PLGRKT: variants seen among roughly 807,000 people sequenced by gnomAD.
The protein encoded by PLGRKT is plasminogen receptor (KT).
In PLGRKT, 22 loss-of-function variants were observed where a neutral mutation model predicts 18.5. The ratio of observed to expected loss-of-function variants is 1.19; its 90% CI spans 0.85 to 1.70. PLGRKT has a LOEUF of 1.70. Ranked by LOEUF, PLGRKT falls within the 40% of genes most tolerant of loss-of-function variation. The probability of loss-of-function intolerance (pLI) is 0.00; values close to 1 mark genes in which losing one functional copy is unlikely to be tolerated. For synonymous variants in PLGRKT, 72 were observed against 52.8 expected (o/e 1.36, Z -1.58); for missense variants, 235 against 174.4 (o/e 1.35, Z -1.96).
intron 1 of PLGRKT, among the ~76,000 whole-genome samples, chr9:5,437,335 G>A (rs910609365): frequency 1.3e-5 from 2 of 152,296 alleles, no homozygotes; most frequent in African/African-American, 4.8e-5. Flanking sequence ...TTGCCTGAAT[G>A]TATGACTGAT....
intron 3 of PLGRKT, among the ~76,000 whole-genome samples, chr9:5,430,848 G>C (rs569636593): frequency 4.6e-5 from 7 of 152,112 alleles, no homozygotes; most frequent in Non-Finnish European, 7.4e-5. Context: ...TTTTTGACTT[G>C]CAACATTTTA....
At chr9:5,369,348 A>G (rs1237455587) in intron 3 of PLGRKT, among the ~76,000 whole-genome samples, 1 of 152,262 alleles carries the variant, frequency 6.6e-6, no homozygotes, top group African/African-American at 2.4e-5. Context: ...AATGCTCATC[A>G]TCACTGGTCA....
chr9:5,377,686 C>A (rs746801206), intron 3 of PLGRKT, among the ~76,000 whole-genome samples: 1 of 152,104 alleles, frequency 6.6e-6, no homozygotes, highest in Non-Finnish European at 1.5e-5. Context: ...ATAAGAATGC[C>A]GGAGAAGCTC....
intron 3 of PLGRKT, among the ~76,000 whole-genome samples, chr9:5,394,900 T>A (rs1003642511): frequency 1.2e-4 from 18 of 151,814 alleles, no homozygotes; most frequent in African/African-American, 4.4e-4. Flanking sequence ...TGAAGCTGAC[T>A]GCAACGGAGC....
chr9:5,432,086 A>T, intron 2 of PLGRKT, 103 bp from the exon 3 acceptor site: 1 of 612,214 alleles, frequency 1.6e-6, no homozygotes, highest in South Asian at 2.0e-5. Flanking sequence ...TAAAAAAAAA[A>T]AGTAAAATTT....
chr9:5,419,968 A>T (rs1010590155), intron 3 of PLGRKT, among the ~76,000 whole-genome samples: 1 of 152,244 alleles, frequency 6.6e-6, no homozygotes, highest in African/African-American at 2.4e-5. Context: ...GGTAGAAACA[A>T]CCCAAATATC....
intron 3 of PLGRKT, among the ~76,000 whole-genome samples, chr9:5,375,270 T>C (rs1026856727): frequency 7.2e-5 from 11 of 152,260 alleles, no homozygotes; most frequent in African/African-American, 2.6e-4. Context: ...CGAGCTAAGA[T>C]ATGAAGTGTT....
chr9:5,375,960 C>A (rs570976185), intron 3 of PLGRKT, among the ~76,000 whole-genome samples: 1 of 152,278 alleles, frequency 6.6e-6, no homozygotes, highest in Admixed American at 6.5e-5. Context: ...AAGTGCATAT[C>A]AACGGATGAC....
intron 2 of PLGRKT, among the ~76,000 whole-genome samples, chr9:5,433,984 G>A (rs143452718): frequency 0.038 from 5,015 of 130,922 alleles, 280 homozygotes; most frequent in African/African-American, 0.12. Flanking sequence ...GCCTCTGCCC[G>A]GCTGCCCCGT....
At chr9:5,428,674 T>C (rs1253768973) in intron 3 of PLGRKT, among the ~76,000 whole-genome samples, 2 of 152,172 alleles carry the variant, frequency 1.3e-5, no homozygotes, top group African/African-American at 4.8e-5. Context: ...TATGTTAAAC[T>C]CTTTTGTCTC....
chr9:5,419,755 C>A (rs1005414217), intron 3 of PLGRKT, among the ~76,000 whole-genome samples: 2 of 152,034 alleles, frequency 1.3e-5, no homozygotes, highest in East Asian at 3.8e-4. Flanking sequence ...AAAATGGTAA[C>A]CCTTACACTT....
chr9:5,394,534 T>C (rs1428011443), intron 3 of PLGRKT, among the ~76,000 whole-genome samples: 1 of 151,774 alleles, frequency 6.6e-6, no homozygotes, highest in Non-Finnish European at 1.5e-5. Context: ...TGCCTCAGCC[T>C]CCCGAGTAGC....
Position 5,361,820 on chromosome 9 carries a change from A to G in PLGRKT, c.150T>C (p.Ser50=). ...ERQMAMQIAW[S]REFLKYFGTF... ...TTCCAAAATATTTGAGGAATTCCCG[A>G]GACCACGCAATCTGCATGGCCATTT... The change falls in exon 4 of 6, where the codon TCT becomes TCC. Residue 50 remains serine (S), a synonymous_variant. Transcript: ENST00000223864. 6.2e-7 allele frequency: 1 copy of G among 1,613,340 alleles called. No homozygotes were observed. The highest frequency in any genetic ancestry group is 1.7e-5 in the Admixed American group (1 of 59,966).
Position 5,424,685 on chromosome 9 carries a change from T to TGTATATATATATATATATATAC in PLGRKT, c.81+7211_81+7212insGTATATATATATATATATATAC, listed in dbSNP as rs1563790050. Among the ~76,000 whole-genome samples the TGTATATATATATATATATATAC allele has an allele frequency of 2.3e-4, 17 of 75,150 alleles. 1 individual carries two copies. Among genetic ancestry groups the TGTATATATATATATATATATAC allele is most frequent in the African/African-American group, 8.0e-4 (16 of 20,116 alleles). 49.3% of individuals were successfully genotyped at this position (75,150 alleles called of 152,430 possible). On this transcript the variant is annotated intron_variant, in intron 3 of 5. Transcript: ENST00000223864. Reference sequence around the variant, plus strand: ...TATATATTTTATATATATATATATATATATATACACACAGGGGGGGGAGAG... The same window carrying TGTATATATATATATATATATAC: ...TATATATTTTATATATATATATATATGTATATATATATATATATATACATATATACACACAGGGGGGGGAGAG...
chr9:5,358,859 C>A (rs1817197086), intron 5 of PLGRKT, among the ~76,000 whole-genome samples: 1 of 152,158 alleles, frequency 6.6e-6, no homozygotes, highest in South Asian at 2.1e-4. Context: ...CATATATACA[C>A]ATCTTTATAA....
chr9:5,391,315 T>C (rs1457926906), intron 3 of PLGRKT, among the ~76,000 whole-genome samples: 1 of 151,980 alleles, frequency 6.6e-6, no homozygotes, highest in Non-Finnish European at 1.5e-5. Flanking sequence ...ACAGCCAACA[T>C]GTCTTGAAAA....
chr9:5,436,456 G>A (rs544964680), intron 2 of PLGRKT, 113 bp downstream of exon 2: 144 of 152,334 alleles, frequency 9.5e-4, no homozygotes, highest in African/African-American at 3.1e-3. Flanking sequence ...AGAGCTGTGT[G>A]CTTTCAAGTG....
intron 3 of PLGRKT, among the ~76,000 whole-genome samples, chr9:5,427,762 T>C (rs545160570): frequency 6.6e-6 from 1 of 152,242 alleles, no homozygotes; most frequent in South Asian, 2.1e-4. Flanking sequence ...TGGTGGCAAA[T>C]GTGAGATGCT....
At chr9:5,368,770 T>A (rs10815194) in intron 3 of PLGRKT, among the ~76,000 whole-genome samples, 1 of 151,904 alleles carries the variant, frequency 6.6e-6, no homozygotes. Context: ...TATAGACCAA[T>A]GGAACAGAGC....
Sources: gnomAD v4.1 joint callset for allele counts (sites outside exome capture counted in the v4.1 genomes callset) on GRCh38, gnomAD v4.1.1 for gene constraint, MANE v1.5 for transcripts, NCBI Gene and HGNC (gene_info 2026-07-23, HGNC 2026-07-21) for gene names.